Variants in PCDH19 observed in about 807,000 individuals in gnomAD.
The protein encoded by PCDH19 is protocadherin 19, also known as protocadherin-19.
PCDH19 carries 6 observed loss-of-function variants against 46.2 expected under a neutral mutation model. The observed-to-expected ratio is 0.13, with a 90% CI of 0.07 to 0.26. The LOEUF (loss-of-function observed/expected upper bound fraction) is 0.26. PCDH19 is among the 10% of genes least tolerant of loss of function. The pLI, the probability that PCDH19 is intolerant of heterozygous loss-of-function variation, is 1.00. For missense variants in PCDH19, 740 were observed against 972.3 expected, an observed-to-expected ratio of 0.76 and a Z score of 3.18; for synonymous variants, 481 against 415.7, an observed-to-expected ratio of 1.16 and a Z score of -1.91.
At position 100,292,270 on chromosome X, in the gene PCDH19, T is replaced by C. The variant is rs1364167845; in HGVS notation, c.*4007A>G. ...AAGGTTGACAGCAACTTTCAGTTAG[T>C]AACAAGGTCATCTTGAATTGCCAAC... On this transcript the variant is annotated 3_prime_UTR_variant, in exon 6 of 6. Transcript: ENST00000373034. 8.9e-6 allele frequency: 1 copy of C among 112,852 alleles called. No individual in the cohort carries two copies. Among genetic ancestry groups the C allele is most frequent in the Non-Finnish European group, 1.9e-5 (1 of 53,317 alleles). 9.3% of individuals were successfully genotyped at this position (112,852 alleles called of 1,213,427 possible).
chrX:100,315,983 C>T lies in PCDH19; in HGVS notation c.2849-19108G>A, dbSNP rs748872183. On this transcript the variant is annotated intron_variant, in intron 5 of 5. Coordinates refer to ENST00000373034, the MANE Select transcript of PCDH19 (RefSeq NM_001184880.2). ...GGTTCCCCTATGCCCTGCTGGTATTCTGGAGGCATGTTTCTGCCTCTTCAG... is the reference window on the plus strand; with the variant it reads ...GGTTCCCCTATGCCCTGCTGGTATTTTGGAGGCATGTTTCTGCCTCTTCAG... Among the ~76,000 whole-genome samples the T allele has an allele frequency of 2.7e-5, 3 of 111,701 alleles. No homozygotes were observed. The South Asian group carries it at 1.1e-3, about 43-fold the overall frequency.
intron 3 of PCDH19, among the ~76,000 whole-genome samples, chrX:100,356,105 G>A (rs1443529685): frequency 9.0e-6 from 1 of 110,788 alleles, no homozygotes; most frequent in Non-Finnish European, 1.9e-5. Context: ...CAGACATTGG[G>A]ATTAAAACTG....
intron 5 of PCDH19, among the ~76,000 whole-genome samples, chrX:100,325,705 T>C (rs1275751622): frequency 1.8e-5 from 2 of 112,491 alleles, no homozygotes; most frequent in Admixed American, 1.9e-4. Flanking sequence ...ATATAGCACG[T>C]GGATTTAGAT....
intron 5 of PCDH19, among the ~76,000 whole-genome samples, chrX:100,311,006 C>G (rs996081567): frequency 2.2e-4 from 22 of 101,935 alleles, no homozygotes; most frequent in Non-Finnish European, 3.6e-4. Flanking sequence ...AGGTGCCTGG[C>G]TAATTAAAAA....
chrX:100,379,900 TG>T (rs1339207449), intron 3 of PCDH19, among the ~76,000 whole-genome samples: 54 of 111,771 alleles, frequency 4.8e-4, no homozygotes, highest in African/African-American at 1.5e-3. Flanking sequence ...TGACATTGGT[TG>T]GGGGTGGGAG....
chrX:100,314,685 T>G (rs1158894070), intron 5 of PCDH19, among the ~76,000 whole-genome samples: 1 of 111,685 alleles, frequency 9.0e-6, no homozygotes. Context: ...GATTGTACAC[T>G]AGATAGAATA....
intron 3 of PCDH19, among the ~76,000 whole-genome samples, chrX:100,365,051 C>T (rs1162491279): frequency 8.9e-6 from 1 of 112,000 alleles, no homozygotes; most frequent in Non-Finnish European, 1.9e-5. Flanking sequence ...CAATGAGAAA[C>T]ACCTGTAGAA....
rs59564734 is a variant in PCDH19, at chrX:100,409,709, TCCG to T, written c.-1115_-1113del. On this transcript the variant is annotated 5_prime_UTR_variant, in exon 1 of 6. Transcript: ENST00000373034. The stretch of plus-strand genomic sequence containing the variant: ...TTTGGGCTGGGGTGTCGCTCCAAGG[TCCG>T]CCGCCGCCGCCGCCGCCGCCGCCGC... 0.022 allele frequency: 4,842 copies of T among 224,278 alleles called. No individual in the cohort carries two copies. The highest frequency in any genetic ancestry group is 0.03 in the South Asian group (558 of 18,468). 18.5% of individuals were successfully genotyped at this position (224,278 alleles called of 1,213,427 possible).
chrX:100,400,679 A>G (rs1244270125), intron 3 of PCDH19, among the ~76,000 whole-genome samples: 1 of 112,288 alleles, frequency 8.9e-6, no homozygotes, highest in Non-Finnish European at 1.9e-5. Flanking sequence ...TAAATTGAAA[A>G]TATTGGTGCT....
chrX:100,344,305 A>G (rs1409095488), intron 4 of PCDH19, among the ~76,000 whole-genome samples: 1 of 112,157 alleles, frequency 8.9e-6, no homozygotes, highest in East Asian at 2.8e-4. Context: ...ATTATCTTAC[A>G]GTTCTTTTAT....
intron 3 of PCDH19, among the ~76,000 whole-genome samples, chrX:100,351,541 C>G (rs759178687): frequency 1.8e-4 from 20 of 112,273 alleles, no homozygotes; most frequent in African/African-American, 5.8e-4. Flanking sequence ...ACTAAAGTAA[C>G]TGAATGTCCT....
rs750815803 is a variant in PCDH19, at chrX:100,407,497, C to T, written c.1101G>A (p.Val367=). The part of the protein sequence containing the change: ...EVSESAPPGY[V]IALVRVSDRD... Reference sequence around the variant, plus strand: ...GATCAGACACCCGCACCAAGGCGATCACGTAGCCCGGGGGGGCGCTCTCGC... The same window carrying T: ...GATCAGACACCCGCACCAAGGCGATTACGTAGCCCGGGGGGGCGCTCTCGC... The change falls in exon 1 of 6, where the codon GTG becomes GTA. Residue 367 remains valine (V), a synonymous_variant. Transcript: ENST00000373034. 1.2e-5 allele frequency: 15 copies of T among 1,210,540 alleles called. No homozygotes were observed. In the South Asian group the frequency reaches 2.6e-4, roughly 21 times the overall value.
chrX:100,398,666 T>C (rs1343662909), intron 3 of PCDH19, among the ~76,000 whole-genome samples: 1 of 111,972 alleles, frequency 8.9e-6, no homozygotes, highest in African/African-American at 3.3e-5. Context: ...TTAAACTTAT[T>C]TGGAATCTCC....
At position 100,292,124 on chromosome X, in the gene PCDH19, G is replaced by A. The variant is rs889084404; in HGVS notation, c.*4153C>T. The A allele has an allele frequency of 9.7e-5, 11 of 113,230 alleles. No individual in the cohort carries two copies. Among genetic ancestry groups the A allele is most frequent in the African/African-American group, 3.5e-4 (11 of 31,165 alleles). The allele number at this position is 113,230 out of a possible 1,213,427, so 9.3% of individuals were successfully genotyped here. A position where few individuals can be genotyped will look rare whatever the true frequency, so the allele number is the denominator to read the frequency against. On this transcript the variant is annotated 3_prime_UTR_variant, in exon 6 of 6. Transcript: ENST00000373034. ...GGTATTTGTTGCTGATTTCTAGCTCGAGCTAGTCTGGCTCTTGGTCATTAA... is the reference window on the plus strand; with the variant it reads ...GGTATTTGTTGCTGATTTCTAGCTCAAGCTAGTCTGGCTCTTGGTCATTAA...
At chrX:100,324,867 T>A (rs1219259542) in intron 5 of PCDH19, among the ~76,000 whole-genome samples, 3 of 111,085 alleles carry the variant, frequency 2.7e-5, no homozygotes, top group Non-Finnish European at 3.8e-5. Context: ...TCTCATTTAA[T>A]CCTTACAACC....
At chrX:100,364,970 A>G (rs1927030259) in intron 3 of PCDH19, among the ~76,000 whole-genome samples, 1 of 112,184 alleles carries the variant, frequency 8.9e-6, no homozygotes, top group Non-Finnish European at 1.9e-5. Context: ...TTGAAATGCC[A>G]ATGTGTAATA....
At chrX:100,317,656 G>A (rs769005229) in intron 5 of PCDH19, among the ~76,000 whole-genome samples, 4 of 109,778 alleles carry the variant, frequency 3.6e-5, no homozygotes, top group African/African-American at 1.3e-4. Flanking sequence ...GTGAAGCAGG[G>A]TTTCTAACCA....
At position 100,406,503 on chromosome X, in the gene PCDH19, C is replaced by A; in HGVS notation, c.2095G>T (p.Val699Leu). ...AGILFVTMIF[V>L]AIKCKRDNKE... ...TTGTCTCGCTTGCACTTGATTGCCA[C>A]GAAGATCATAGTTACAAAGAGGATG... Residue 699 changes from valine (V) to leucine (L), a missense_variant, in exon 1 of 6, where the codon GTG becomes TTG. This residue lies in a region of PCDH19 where 416 missense variants were observed against 476.8 expected (regional missense o/e 0.87). Transcript: ENST00000373034. 2.5e-6 allele frequency: 3 copies of A among 1,208,148 alleles called. No individual in the cohort carries two copies. The highest frequency in any genetic ancestry group is 3.4e-6 in the Non-Finnish European group (3 of 893,689).
rs142518465 is a variant in PCDH19 at position 100,376,324 on chromosome X, T to C, written c.2617-25620A>G. Among the ~76,000 whole-genome samples the C allele has an allele frequency of 9.6e-3, 1,050 of 109,690 alleles. 14 individuals are homozygous for C. Among genetic ancestry groups the C allele is most frequent in the African/African-American group, 0.033 (995 of 30,115 alleles). On this transcript the variant is annotated intron_variant, in intron 3 of 5. Transcript: ENST00000373034. ...TTAGACACACAATACATATGAGTAG[T>C]TAGAAAAGATTGGGTAGACAGCAAA...
Sources: gnomAD v4.1 joint callset for allele counts (sites outside exome capture counted in the v4.1 genomes callset) on GRCh38, gnomAD v4.1.1 for gene constraint, gnomAD v4.1.1 regional missense constraint, MANE v1.5 for transcripts, NCBI Gene and HGNC (gene_info 2026-07-23, HGNC 2026-07-21) for gene names.